SLC43A1: variants seen among roughly 807,000 people sequenced by gnomAD.
SLC43A1 encodes the protein large neutral amino acids transporter small subunit 3.
Under a neutral mutation model 59.5 loss-of-function variants are expected in SLC43A1, and 31 were observed. That is an observed-to-expected ratio of 0.52 (90% confidence interval 0.39 to 0.70). The LOEUF is 0.70. Ranked by LOEUF, SLC43A1 falls within the 30% of genes least tolerant of loss-of-function variation. The pLI, the probability that SLC43A1 is intolerant of heterozygous loss-of-function variation, is 0.00. For synonymous variants in SLC43A1, 259 were observed against 290.9 expected, an observed-to-expected ratio of 0.89 and a Z score of 1.12; for missense variants, 598 against 717.8, an observed-to-expected ratio of 0.83 and a Z score of 1.91.
chr11:57,512,807 G>A (rs1047884691), intron 2 of SLC43A1, among the ~76,000 whole-genome samples: 1 of 152,050 alleles, frequency 6.6e-6, no homozygotes, highest in Non-Finnish European at 1.5e-5. Context: ...GGAGGCATGG[G>A]AGAGTCGCCA....
chr11:57,508,296 A>T (rs1310039104), intron 2 of SLC43A1, among the ~76,000 whole-genome samples: 1 of 152,008 alleles, frequency 6.6e-6, no homozygotes, highest in Non-Finnish European at 1.5e-5. Context: ...AAAAGAAAGA[A>T]AGATAGAAAG....
Position 57,494,160 on chromosome 11 carries a change from T to C in SLC43A1, c.704A>G (p.Lys235Arg). Residue 235 changes from lysine to arginine, a missense_variant, in exon 8 of 15, where the codon AAG becomes AGG. By Grantham distance (26) the Lys-to-Arg change is conservative. Coordinates refer to ENST00000278426, the MANE Select transcript of SLC43A1 (RefSeq NM_003627.6). ...GTGGTCCAGGGCCAGCCCACTCAGC[T>C]TGATCTTCTTCCTGCAGGCAGCCAG... ...PEEVNYTKKI[K>R]LSGLALDHKV... The C allele has an allele frequency of 1.2e-6, 2 of 1,609,516 alleles. No individual in the cohort carries two copies. The highest frequency in any genetic ancestry group is 1.7e-6 in the Non-Finnish European group (2 of 1,178,342).
intron 11 of SLC43A1, among the ~76,000 whole-genome samples, chr11:57,490,852 A>G (rs1943876803): frequency 1.3e-5 from 2 of 152,214 alleles, no homozygotes; most frequent in African/African-American, 4.8e-5. Context: ...GTGTACCCTT[A>G]TAACACAGGT....
chr11:57,514,008 G>A lies in SLC43A1; in HGVS notation c.104C>T (p.Ser35Phe). The change falls in exon 2 of 15, where the codon TCC (serine) becomes TTC (phenylalanine). Residue 35 changes from serine to phenylalanine, a missense_variant. Ser to Phe is a radical substitution (Grantham distance 155). Coordinates refer to ENST00000278426, the MANE Select transcript of SLC43A1 (RefSeq NM_003627.6). This position sits in a 1 kb window ranked among gnomAD's most constrained non-coding sequence, Gnocchi z 5.5. ...FFSAVLLGWG[S>F]LLIILKNEGF... is the part of the protein sequence containing the mutation. ...CTCGTTCTTCAGAATGATCAACAGG[G>A]AGCCCCAGCCCAGGAGTACAGCAGA... 6.2e-7 allele frequency: 1 copy of A among 1,605,870 alleles called. No homozygotes were observed. Among genetic ancestry groups the A allele is most frequent in the Non-Finnish European group, 8.5e-7 (1 of 1,176,056 alleles).
chr11:57,492,723 G>A (rs1400817168), intron 8 of SLC43A1, among the ~76,000 whole-genome samples: 1 of 84,166 alleles, frequency 1.2e-5, no homozygotes, highest in Non-Finnish European at 2.1e-5. Flanking sequence ...GCAATACCCT[G>A]TCTCTATTTT....
At chr11:57,491,422 C>A in intron 10 of SLC43A1, 60 bp from the exon 11 acceptor site, 1 of 1,562,652 alleles carries the variant, frequency 6.4e-7, no homozygotes, top group Non-Finnish European at 8.7e-7. Context: ...CACTATCACC[C>A]CTTCCAGCGG....
At chr11:57,491,570 G>T (rs745840585) in intron 10 of SLC43A1, 21 bp downstream of exon 10, 160 of 1,613,804 alleles carry the variant, frequency 9.9e-5, no homozygotes, top group Non-Finnish European at 1.4e-4. Flanking sequence ...GTGAGCCAGG[G>T]CCCTGCTTTC....
chr11:57,489,002 A>C lies in SLC43A1; in HGVS notation c.1336-13T>G. ...CAAAGGTCACAAACTAAAACCAAAA[A>C]GAGAGAGTGAAGAGGTTAGGAGAGT... On this transcript the variant is annotated splice_polypyrimidine_tract_variant and intron_variant, in intron 12 of 14. Transcript: ENST00000278426. 3.1e-6 allele frequency: 5 copies of C among 1,612,936 alleles called. No homozygotes were observed. Among genetic ancestry groups the C allele is most frequent in the African/African-American group, 1.3e-5 (1 of 75,028 alleles).
chr11:57,490,049 GC>G (rs1455331711), intron 11 of SLC43A1, among the ~76,000 whole-genome samples: 1 of 152,184 alleles, frequency 6.6e-6, no homozygotes, highest in Non-Finnish European at 1.5e-5. Context: ...GCCAGGCTCT[GC>G]TAGCAGGGAG....
chr11:57,497,654 G>T, intron 6 of SLC43A1, 99 bp downstream of exon 6: 1 of 775,782 alleles, frequency 1.3e-6, no homozygotes, highest in Non-Finnish European at 2.1e-6. Context: ...AGAAAGGAGA[G>T]CGGAGAAGTC....
chr11:57,490,404 T>C (rs1273589139), intron 11 of SLC43A1, among the ~76,000 whole-genome samples: 1 of 152,016 alleles, frequency 6.6e-6, no homozygotes, highest in South Asian at 2.1e-4. Context: ...TTGTCCAGTC[T>C]CCTTCCACAG....
At chr11:57,513,118 G>A (rs1173129452) in intron 2 of SLC43A1, among the ~76,000 whole-genome samples, 1 of 152,154 alleles carries the variant, frequency 6.6e-6, no homozygotes, top group African/African-American at 2.4e-5. Context: ...AATGTTTAAG[G>A]AACTCACCGA....
chr11:57,495,540 TG>T (rs1944052032), intron 7 of SLC43A1, among the ~76,000 whole-genome samples: 1 of 151,910 alleles, frequency 6.6e-6, no homozygotes, highest in African/African-American at 2.4e-5. Context: ...AAAACACCCA[TG>T]GGAGGCTGGG....
intron 5 of SLC43A1, among the ~76,000 whole-genome samples, chr11:57,499,125 C>T (rs184981431): frequency 6.6e-6 from 1 of 152,220 alleles, no homozygotes; most frequent in African/African-American, 2.4e-5. Context: ...GAGTTCGCGA[C>T]CAGCCTGAGC....
chr11:57,496,494 T>G (rs559294181), intron 6 of SLC43A1, among the ~76,000 whole-genome samples: 6 of 152,230 alleles, frequency 3.9e-5, no homozygotes, highest in African/African-American at 1.4e-4. Context: ...CAAACATTCA[T>G]GTTCATGTTC....
intron 5 of SLC43A1, 123 bp downstream of exon 5, chr11:57,500,656 T>A: frequency 1.2e-6 from 1 of 807,464 alleles, no homozygotes. Context: ...CACACTCACT[T>A]GATCTAGTGA....
chr11:57,488,975 G>A lies in SLC43A1; in HGVS notation c.1350C>T (p.Val450=). 2 of 1,614,172 alleles carry A rather than the reference G, an allele frequency of 1.2e-6. No individual in the cohort carries two copies. The highest frequency in any genetic ancestry group is 1.7e-5 in the Admixed American group (1 of 60,030). The change falls in exon 13 of 15, where the codon GTC becomes GTT. Residue 450 remains valine (V), a synonymous_variant. Transcript: ENST00000278426. ...AGAAACCTCGAACAATGGTGTGCAGGACAAAGGTCACAAACTAAAACCAAA... is the reference window on the plus strand; with the variant it reads ...AGAAACCTCGAACAATGGTGTGCAGAACAAAGGTCACAAACTAAAACCAAA... ...NNLHLQFVTF[V]LHTIVRGFFH...
At position 57,487,102 on chromosome 11, in the gene SLC43A1, G is replaced by A; in HGVS notation, c.1526C>T (p.Pro509Leu). ...ACCAACCCTCGCTCTCACCCAGAAG[G>A]GCTCTCCTTTCAGGGGTCCCACCAT... ...MAMVGPLKGEPFWVNLGLLLF... is the reference protein window; with the variant it reads ...MAMVGPLKGELFWVNLGLLLF... Residue 509 changes from proline (P) to leucine (L), a missense_variant, in exon 14 of 15, where the codon CCC becomes CTC. Coordinates refer to ENST00000278426, the MANE Select transcript of SLC43A1 (RefSeq NM_003627.6). 6.2e-7 allele frequency: 1 copy of A among 1,613,878 alleles called. No homozygotes were observed. The highest frequency in any genetic ancestry group is 8.5e-7 in the Non-Finnish European group (1 of 1,179,966).
At chr11:57,505,338 C>T (rs914739614) in intron 2 of SLC43A1, among the ~76,000 whole-genome samples, 2 of 152,046 alleles carry the variant, frequency 1.3e-5, no homozygotes, top group Admixed American at 1.3e-4. Context: ...ATGGTGAAAC[C>T]CTGTCTCTAC....
Sources: gnomAD v4.1 joint callset for allele counts (sites outside exome capture counted in the v4.1 genomes callset) on GRCh38, gnomAD v4.1.1 for gene constraint, Gnocchi (gnomAD v3.1) non-coding constraint, MANE v1.5 for transcripts, NCBI Gene and HGNC (gene_info 2026-07-23, HGNC 2026-07-21) for gene names.